Variants in COLEC12 observed in about 807,000 individuals in gnomAD.
The protein encoded by COLEC12 is collectin-12.
Under a neutral mutation model 71.1 loss-of-function variants are expected in COLEC12, and 33 were observed. That is an observed-to-expected ratio of 0.46 (90% confidence interval 0.35 to 0.62). The LOEUF is 0.62. COLEC12 is among the 20% of genes least tolerant of loss of function. The pLI is 0.00. For missense variants in COLEC12, 765 were observed against 916.1 expected (o/e 0.84, Z 2.13); for synonymous variants, 350 against 353.0 (o/e 0.99, Z 0.10).
At chr18:387,669 G>A in intron 2 of COLEC12, among the ~76,000 whole-genome samples, 1 of 152,118 alleles carries the variant, frequency 6.6e-6, no homozygotes, top group Non-Finnish European at 1.5e-5. Context: ...ATACGGCTGT[G>A]TATTTTCATA....
chr18:455,007 C>T (rs1006288901), intron 2 of COLEC12, among the ~76,000 whole-genome samples: 6 of 152,150 alleles, frequency 3.9e-5, no homozygotes, highest in Non-Finnish European at 7.3e-5. Flanking sequence ...TCATACTTGA[C>T]GATCACAGAT....
intron 2 of COLEC12, among the ~76,000 whole-genome samples, chr18:377,818 C>T (rs11663235): frequency 0.21 from 32,528 of 151,796 alleles, 3,673 homozygotes; most frequent in Middle Eastern, 0.3. Context: ...ATCAGAAGGA[C>T]ACCACCAGCT....
At chr18:494,120 C>A (rs1917667510) in intron 1 of COLEC12, among the ~76,000 whole-genome samples, 3 of 152,218 alleles carry the variant, frequency 2.0e-5, no homozygotes, top group Admixed American at 1.3e-4. Context: ...ATTATCCCTG[C>A]ATTTTTTATG....
chr18:330,832 G>A (rs1913959094), intron 8 of COLEC12, among the ~76,000 whole-genome samples: 1 of 147,642 alleles, frequency 6.8e-6, no homozygotes, highest in Non-Finnish European at 1.5e-5. Flanking sequence ...TGTTTATAGT[G>A]TATTTTAACT....
intron 2 of COLEC12, among the ~76,000 whole-genome samples, chr18:425,259 T>C (rs1165683982): frequency 6.6e-6 from 1 of 152,192 alleles, no homozygotes; most frequent in African/African-American, 2.4e-5. Context: ...ACCAGCCTTG[T>C]TGGAGAGCCG....
chr18:426,570 T>C (rs1011690396), intron 2 of COLEC12, among the ~76,000 whole-genome samples: 5 of 152,232 alleles, frequency 3.3e-5, no homozygotes, highest in African/African-American at 4.8e-5. Flanking sequence ...ATGGACCTGC[T>C]CTTTGAATTC....
At chr18:499,945 T>G (rs1045440930) in intron 1 of COLEC12, among the ~76,000 whole-genome samples, 14 of 152,180 alleles carry the variant, frequency 9.2e-5, no homozygotes, top group Non-Finnish European at 1.5e-4. Context: ...GTGAATCTGA[T>G]GGAGAAAGAT....
At chr18:331,157 G>A (rs919054210) in intron 8 of COLEC12, among the ~76,000 whole-genome samples, 5 of 152,134 alleles carry the variant, frequency 3.3e-5, no homozygotes, top group African/African-American at 9.7e-5. Flanking sequence ...CCAAAGTGCC[G>A]GGATTACAGG....
At chr18:443,594 G>C (rs574398781) in intron 2 of COLEC12, among the ~76,000 whole-genome samples, 1 of 152,146 alleles carries the variant, frequency 6.6e-6, no homozygotes, top group African/African-American at 2.4e-5. Context: ...CATCCCCTCC[G>C]TCTCATGGTG....
rs112424198 is a variant in COLEC12, at chr18:351,295, G to GT, written c.182-3133dup. On this transcript the variant is annotated intron_variant, in intron 3 of 9. Coordinates refer to ENST00000400256, the MANE Select transcript of COLEC12 (RefSeq NM_130386.3). The stretch of plus-strand genomic sequence containing the variant: ...CTCTCTACCTAGAATGTTCTTCCCT[G>GT]TTTTTTTTTTTTACTGAGCTAAGTC... Among the ~76,000 whole-genome samples, 1,424 of 144,734 alleles carry GT rather than the reference G, an allele frequency of 9.8e-3. 17 individuals are homozygous for GT. Among genetic ancestry groups the GT allele is most frequent in the African/African-American group, 0.026 (1,045 of 39,756 alleles). The allele number at this position is 144,734 out of a possible 152,430, so 95.0% of individuals were successfully genotyped here. A position where few individuals can be genotyped will look rare whatever the true frequency, so the allele number is the denominator to read the frequency against.
At chr18:474,998 C>T (rs753744000) in intron 2 of COLEC12, among the ~76,000 whole-genome samples, 1 of 151,866 alleles carries the variant, frequency 6.6e-6, no homozygotes, top group Admixed American at 6.6e-5. Flanking sequence ...CACTTGAACC[C>T]GGGAGGCGGA....
intron 2 of COLEC12, among the ~76,000 whole-genome samples, chr18:444,479 T>C (rs1227846457): frequency 2.0e-5 from 3 of 152,072 alleles, no homozygotes; most frequent in South Asian, 2.1e-4. Context: ...ACCATGGAAA[T>C]AGAAAATACA....
At chr18:455,441 C>T (rs996852231) in intron 2 of COLEC12, among the ~76,000 whole-genome samples, 1 of 151,954 alleles carries the variant, frequency 6.6e-6, no homozygotes, top group Non-Finnish European at 1.5e-5. Flanking sequence ...CCATGCCTGG[C>T]TAATTTTTTG....
In COLEC12 at chr18:358,494, C is replaced by T. The variant is rs183605411; in HGVS notation, c.59-972G>A. Among the ~76,000 whole-genome samples, 42 of 152,276 alleles carry T rather than the reference C, an allele frequency of 2.8e-4. 1 individual carries two copies. The highest frequency in any genetic ancestry group is 1.9e-3 in the South Asian group (9 of 4,822). ...ACAGGCATTAGATTCTTATAAGGAG[C>T]GCACAACCTAGATCCCTCACATGCA... On this transcript the variant is annotated intron_variant, in intron 2 of 9. Transcript: ENST00000400256.
chr18:448,402 G>A (rs1475754406), intron 2 of COLEC12, among the ~76,000 whole-genome samples: 1 of 152,232 alleles, frequency 6.6e-6, no homozygotes, highest in Non-Finnish European at 1.5e-5. Flanking sequence ...AAGATACAGT[G>A]TAAACATGTT....
At chr18:445,088 T>C (rs1466129037) in intron 2 of COLEC12, among the ~76,000 whole-genome samples, 1 of 152,194 alleles carries the variant, frequency 6.6e-6, no homozygotes, top group African/African-American at 2.4e-5. Flanking sequence ...CACATGAAGT[T>C]TGGCACTCTG....
chr18:360,520 G>GTGATGCTGATGCTGATGC (rs59329972), intron 2 of COLEC12, among the ~76,000 whole-genome samples: 1 of 151,922 alleles, frequency 6.6e-6, no homozygotes, highest in Non-Finnish European at 1.5e-5. Context: ...AAGTTCCCAG[G>GTGATGCTGATGCTGATGC]TGATGCTGAT....
chr18:390,953 G>A (rs1915450962), intron 2 of COLEC12, among the ~76,000 whole-genome samples: 1 of 152,168 alleles, frequency 6.6e-6, no homozygotes, highest in Non-Finnish European at 1.5e-5. Flanking sequence ...GCAAACCCAT[G>A]TCTGTCAGGA....
chr18:336,442 A>C (rs1329782461), intron 5 of COLEC12, among the ~76,000 whole-genome samples: 1 of 152,210 alleles, frequency 6.6e-6, no homozygotes, highest in Non-Finnish European at 1.5e-5. Flanking sequence ...ATTATCCCAC[A>C]AAGAGGCCCA....
Sources: allele counts gnomAD v4.1 joint callset (sites outside exome capture counted in the v4.1 genomes callset), GRCh38; gene constraint gnomAD v4.1.1; transcripts MANE v1.5; gene names NCBI Gene and HGNC (gene_info 2026-07-23, HGNC 2026-07-21).